Variants in DLG2 observed in about 807,000 individuals in gnomAD.
The protein encoded by DLG2 is discs large MAGUK scaffold protein 2.
Under a neutral mutation model 132.5 loss-of-function variants are expected in DLG2, and 45 were observed. That is an observed-to-expected ratio of 0.34 (90% confidence interval 0.27 to 0.44). The LOEUF (loss-of-function observed/expected upper bound fraction) is 0.44, where lower values mean the gene tolerates loss of function less well. DLG2 is among the 20% of genes least tolerant of loss of function. DLG2 has a pLI of 1.00. For synonymous variants in DLG2, 424 were observed against 419.6 expected (o/e 1.01, Z -0.13); for missense variants, 1,045 against 1,196.9 (o/e 0.87, Z 1.87).
chr11:85,400,131 A>C (rs535288586), intron 3 of DLG2, among the ~76,000 whole-genome samples: 40 of 152,366 alleles, frequency 2.6e-4, no homozygotes, highest in African/African-American at 9.4e-4. Context: ...CGATAGGAAC[A>C]GACACTTCTC....
chr11:84,644,107 T>C (rs1022097418), intron 6 of DLG2, among the ~76,000 whole-genome samples: 16 of 152,192 alleles, frequency 1.1e-4, no homozygotes, highest in Non-Finnish European at 2.9e-5. Context: ...TGGCCGTCTA[T>C]ACATGAAGAT....
At chr11:83,795,256 A>C (rs1397178379) in intron 17 of DLG2, among the ~76,000 whole-genome samples, 1 of 151,994 alleles carries the variant, frequency 6.6e-6, no homozygotes, top group Non-Finnish European at 1.5e-5. Context: ...ATACAAAAAA[A>C]AATTAGCCAG....
At chr11:84,932,087 T>C (rs1308655404) in intron 6 of DLG2, among the ~76,000 whole-genome samples, 1 of 152,238 alleles carries the variant, frequency 6.6e-6, no homozygotes, top group Non-Finnish European at 1.5e-5. Flanking sequence ...ACTCTGTTGA[T>C]GGTTTCTTTT....
intron 8 of DLG2, among the ~76,000 whole-genome samples, chr11:84,171,158 G>T (rs1482000054): frequency 6.6e-6 from 1 of 152,034 alleles, no homozygotes; most frequent in African/African-American, 2.4e-5. Context: ...AGGAAAAAAC[G>T]TAAGAAAGTT....
intron 6 of DLG2, among the ~76,000 whole-genome samples, chr11:84,611,061 ACACACT>A (rs2099594750): frequency 6.7e-6 from 1 of 149,612 alleles, no homozygotes; most frequent in Non-Finnish European, 1.5e-5. Context: ...ACACACACAC[ACACACT>A]ATATGTTTCC....
At chr11:84,507,620 A>G (rs528564272) in intron 7 of DLG2, among the ~76,000 whole-genome samples, 7 of 152,306 alleles carry the variant, frequency 4.6e-5, no homozygotes, top group African/African-American at 1.7e-4. Flanking sequence ...TCATATATGA[A>G]CCTTATTATT....
chr11:85,012,999 A>C (rs905277560), intron 6 of DLG2, among the ~76,000 whole-genome samples: 3 of 152,236 alleles, frequency 2.0e-5, no homozygotes, highest in African/African-American at 4.8e-5. Flanking sequence ...TCTTTTATCA[A>C]TATTAAATAT....
chr11:83,477,644 A>C (rs917124814), intron 22 of DLG2, among the ~76,000 whole-genome samples: 2 of 152,036 alleles, frequency 1.3e-5, no homozygotes, highest in African/African-American at 4.8e-5. Flanking sequence ...TCTAACTCTG[A>C]ATTATTACAA....
chr11:83,953,935 A>C (rs2154149827), intron 14 of DLG2, among the ~76,000 whole-genome samples: 1 of 152,346 alleles, frequency 6.6e-6, no homozygotes, highest in East Asian at 1.9e-4. Context: ...AATGAACTAA[A>C]GAATGAAAGC....
At chr11:85,135,408 T>C (rs1434155745) in intron 5 of DLG2, among the ~76,000 whole-genome samples, 1 of 152,196 alleles carries the variant, frequency 6.6e-6, no homozygotes, top group Non-Finnish European at 1.5e-5. Flanking sequence ...ATAAATTGGA[T>C]AGCAGAGTAA....
intron 17 of DLG2, among the ~76,000 whole-genome samples, chr11:83,792,028 C>T (rs2041705561): frequency 6.6e-6 from 1 of 152,114 alleles, no homozygotes. Context: ...TTTTGCTTTT[C>T]ATTGAGCAAT....
At chr11:84,390,267 T>G (rs1379923741) in intron 7 of DLG2, among the ~76,000 whole-genome samples, 2 of 152,140 alleles carry the variant, frequency 1.3e-5, no homozygotes, top group South Asian at 2.1e-4. Context: ...GAATTATGAG[T>G]TCCCCTGATA....
At chr11:84,381,573 C>G (rs555626080) in intron 7 of DLG2, among the ~76,000 whole-genome samples, 7 of 152,162 alleles carry the variant, frequency 4.6e-5, no homozygotes, top group African/African-American at 1.7e-4. Context: ...TAATTCAGTT[C>G]ATTAATATGA....
rs113732264 is a variant in DLG2, at chr11:84,784,272, A to AT, written c.358-249542dup. Among the ~76,000 whole-genome samples, 142 of 149,212 alleles carry AT rather than the reference A, an allele frequency of 9.5e-4. 2 individuals are homozygous for AT. The highest frequency in any genetic ancestry group is 3.3e-3 in the African/African-American group (133 of 40,614). On this transcript the variant is annotated intron_variant, in intron 6 of 27. Coordinates refer to ENST00000376104, the MANE Select transcript of DLG2 (RefSeq NM_001142699.3). ...GTGGTGGAGGTTTCAGTGAGCCGAG[A>AT]TTGCACCATTGCATTTCAGCCTGGG... is the stretch of plus-strand genomic sequence containing the variant.
chr11:84,515,494 G>A (rs1434100137), intron 7 of DLG2, among the ~76,000 whole-genome samples: 1 of 151,666 alleles, frequency 6.6e-6, no homozygotes, highest in Non-Finnish European at 1.5e-5. Flanking sequence ...AGAGATAAAG[G>A]TTATTATATA....
intron 27 of DLG2, 51 bp from the exon 28 acceptor site, chr11:83,459,975 G>T: frequency 9.3e-7 from 1 of 1,070,600 alleles, no homozygotes; most frequent in Non-Finnish European, 1.4e-6. Context: ...CCTGGATGGT[G>T]AAGAACAATC....
At chr11:83,648,998 G>A (rs2069148737) in intron 18 of DLG2, among the ~76,000 whole-genome samples, 1 of 152,058 alleles carries the variant, frequency 6.6e-6, no homozygotes, top group Non-Finnish European at 1.5e-5. Context: ...AACTCAATGT[G>A]TTGCTAAAGA....
intron 4 of DLG2, among the ~76,000 whole-genome samples, chr11:85,222,627 G>C (rs2074722898): frequency 6.6e-6 from 1 of 152,184 alleles, no homozygotes; most frequent in Non-Finnish European, 1.5e-5. Context: ...AGATTGTAAA[G>C]ACTGATTCAG....
At chr11:83,682,351 A>T (rs2078976995) in intron 18 of DLG2, 1 of 985,292 alleles carries the variant, frequency 1.0e-6, no homozygotes, top group South Asian at 4.7e-5. Flanking sequence ...CATATTTTAC[A>T]TCACAGGGGG....
Sources: allele counts gnomAD v4.1 joint callset (sites outside exome capture counted in the v4.1 genomes callset), GRCh38; gene constraint gnomAD v4.1.1; transcripts MANE v1.5; gene names NCBI Gene and HGNC (gene_info 2026-07-23, HGNC 2026-07-21).